MITF: variants seen among roughly 807,000 people sequenced by gnomAD.
MITF encodes the protein melanocyte inducing transcription factor.
In MITF, 17 loss-of-function variants were observed where a neutral mutation model predicts 60.5. The observed-to-expected ratio is 0.28, with a 90% CI of 0.19 to 0.42. The LOEUF (loss-of-function observed/expected upper bound fraction) is 0.42. Among genes scored for constraint, MITF ranks in the 10% least tolerant of loss-of-function variants. MITF has a pLI of 1.00. For missense variants in MITF, 622 were observed against 683.5 expected (o/e 0.91, Z 1.00); for synonymous variants, 260 against 248.5 (o/e 1.05, Z -0.43).
chr3:69,890,542 A>G (rs1221707511), intron 2 of MITF, among the ~76,000 whole-genome samples: 2 of 152,172 alleles, frequency 1.3e-5, no homozygotes, highest in Non-Finnish European at 2.9e-5. Flanking sequence ...TAGATTGATT[A>G]ACATGAAGGA....
rs145434018 is a variant in MITF, at chr3:69,786,124, A to C, written c.104+46423A>C. 1.3e-4 allele frequency among the ~76,000 whole-genome samples: 20 copies of C among 152,338 alleles called. No individual in the cohort carries two copies. In the East Asian group the frequency reaches 2.7e-3, roughly 21 times the overall value. On this transcript the variant is annotated intron_variant, in intron 1 of 9. Coordinates refer to ENST00000352241, the MANE Select transcript of MITF (RefSeq NM_001354604.2). Reference sequence around the variant, plus strand: ...GCTTTAAGTAGCACATTCCACTCTTAGATTCTAAGGTGGAGTGAGCTTTGC... The same window carrying C: ...GCTTTAAGTAGCACATTCCACTCTTCGATTCTAAGGTGGAGTGAGCTTTGC...
rs2065844754 is a variant in MITF, at chr3:69,936,749, C to G, written c.355-1073C>G. The G allele has an allele frequency of 6.2e-7, 1 of 1,613,218 alleles. No homozygotes were observed. ...TGCTGGAAATGCTAGAATATAATCA[C>G]TATCAGGTGAGATTTATTCTGACTC... On this transcript the variant is annotated intron_variant, in intron 2 of 9. Transcript: ENST00000352241.
chr3:69,877,451 T>TA (rs34144592), intron 1 of MITF, among the ~76,000 whole-genome samples: 2,011 of 139,794 alleles, frequency 0.014, 9 homozygotes, highest in Non-Finnish European at 0.02. Flanking sequence ...GTTTGTTTAT[T>TA]AAAAAAAAAA....
chr3:69,877,984 A>G (rs2064392891), intron 1 of MITF, among the ~76,000 whole-genome samples: 1 of 152,208 alleles, frequency 6.6e-6, no homozygotes, highest in Admixed American at 6.5e-5. Context: ...AAAAATATAT[A>G]TAGAGAGAGA....
intron 1 of MITF, among the ~76,000 whole-genome samples, chr3:69,854,570 G>A (rs1002885945): frequency 1.3e-5 from 2 of 152,128 alleles, no homozygotes; most frequent in Non-Finnish European, 2.9e-5. Context: ...ATTGATCCAT[G>A]GTTGGCAGAA....
intron 2 of MITF, among the ~76,000 whole-genome samples, chr3:69,923,562 TC>T (rs1298115957): frequency 1.3e-5 from 2 of 152,178 alleles, no homozygotes; most frequent in Non-Finnish European, 2.9e-5. Flanking sequence ...CCTGAAGTGA[TC>T]GGCCTGCCTT....
chr3:69,895,981 C>T (rs1264223875), intron 2 of MITF, among the ~76,000 whole-genome samples: 2 of 151,970 alleles, frequency 1.3e-5, no homozygotes, highest in African/African-American at 2.4e-5. Context: ...TACCTCCCTC[C>T]CTCGCTCACT....
At chr3:69,963,263 T>C (rs1000603663) in intron 9 of MITF, among the ~76,000 whole-genome samples, 4 of 152,150 alleles carry the variant, frequency 2.6e-5, no homozygotes, top group Non-Finnish European at 4.4e-5. Flanking sequence ...AGAACGTACT[T>C]GTTGAGTTAA....
chr3:69,902,426 A>G (rs958478618), intron 2 of MITF, among the ~76,000 whole-genome samples: 6 of 152,182 alleles, frequency 3.9e-5, no homozygotes, highest in African/African-American at 1.4e-4. Context: ...ACATATGACA[A>G]ACTCCATAAA....
chr3:69,852,426 C>G lies in MITF; in HGVS notation c.105-26708C>G, dbSNP rs113267392. ...ACTTCATACAAATGAAATCATACAGCATGTACTCTCATATCTGGATTCTTT... is the reference window on the plus strand; with the variant it reads ...ACTTCATACAAATGAAATCATACAGGATGTACTCTCATATCTGGATTCTTT... On this transcript the variant is annotated intron_variant, in intron 1 of 9. Transcript: ENST00000352241. Among the ~76,000 whole-genome samples, 552 of 152,278 alleles carry G rather than the reference C, an allele frequency of 3.6e-3. 6 individuals carry two copies. Among genetic ancestry groups the G allele is most frequent in the African/African-American group, 0.012 (512 of 41,544 alleles).
At chr3:69,825,572 A>G (rs1349369900) in intron 1 of MITF, among the ~76,000 whole-genome samples, 2 of 152,188 alleles carry the variant, frequency 1.3e-5, no homozygotes, top group African/African-American at 2.4e-5. Context: ...TTAAGAGTGC[A>G]TGTCAAGCGT....
chr3:69,783,830 T>A (rs1414010374), intron 1 of MITF, among the ~76,000 whole-genome samples: 3 of 152,214 alleles, frequency 2.0e-5, no homozygotes. Context: ...ACTCCAGCTG[T>A]CTCTACTGAT....
At chr3:69,914,820 CT>C (rs1392281574) in intron 2 of MITF, among the ~76,000 whole-genome samples, 1 of 152,158 alleles carries the variant, frequency 6.6e-6, no homozygotes, top group Non-Finnish European at 1.5e-5. Context: ...TTTTGTCTGA[CT>C]TTTTTCCTTT....
chr3:69,748,273 C>G (rs1462021116), intron 1 of MITF, among the ~76,000 whole-genome samples: 1 of 152,198 alleles, frequency 6.6e-6, no homozygotes, highest in Non-Finnish European at 1.5e-5. Context: ...TGGAGACTCA[C>G]TCTTTTGCCC....
intron 1 of MITF, among the ~76,000 whole-genome samples, chr3:69,811,087 A>T (rs1263911459): frequency 1.3e-5 from 2 of 152,174 alleles, no homozygotes; most frequent in African/African-American, 2.4e-5. Context: ...CATTAGAATG[A>T]CCCTGGAGGC....
In MITF at chr3:69,966,739, A is replaced by G. The variant is rs80212793; in HGVS notation, c.*1491A>G. 2.0e-3 allele frequency: 463 copies of G among 232,990 alleles called. 9 individuals carry two copies. In the East Asian group the frequency reaches 0.027, roughly 14 times the overall value. 14.4% of individuals were successfully genotyped at this position (232,990 alleles called of 1,614,324 possible). A position where few individuals can be genotyped will look rare whatever the true frequency, so the allele number is the denominator to read the frequency against. ...CCTAGATGTTTTATACAGATGCCAT[A>G]TAGTGTTATGAGCCAGGCTGTTGAA... On this transcript the variant is annotated 3_prime_UTR_variant, in exon 10 of 10. Transcript: ENST00000352241.
chr3:69,748,645 A>T (rs184106838), intron 1 of MITF, among the ~76,000 whole-genome samples: 1 of 152,340 alleles, frequency 6.6e-6, no homozygotes, highest in Non-Finnish European at 1.5e-5. Flanking sequence ...CTGTCATATA[A>T]GAAATTGTGC....
intron 2 of MITF, among the ~76,000 whole-genome samples, chr3:69,930,479 C>G (rs1399045791): frequency 2.0e-5 from 3 of 152,186 alleles, no homozygotes; most frequent in Non-Finnish European, 4.4e-5. Context: ...GGCTGGAATG[C>G]CGTTCCTGCC....
At chr3:69,844,949 A>G (rs929906037) in intron 1 of MITF, among the ~76,000 whole-genome samples, 1 of 152,192 alleles carries the variant, frequency 6.6e-6, no homozygotes, top group Admixed American at 6.5e-5. Context: ...TTAAAATAGA[A>G]CAGGCACTCT....
Sources: allele counts gnomAD v4.1 joint callset (sites outside exome capture counted in the v4.1 genomes callset), GRCh38; gene constraint gnomAD v4.1.1; transcripts MANE v1.5; gene names NCBI Gene and HGNC (gene_info 2026-07-23, HGNC 2026-07-21).